Variants in TPTE2 observed in about 807,000 individuals in gnomAD.
TPTE2 encodes transmembrane phosphoinositide 3-phosphatase and tensin homolog 2.
A neutral mutation model predicts 78.6 loss-of-function variants in TPTE2; 53 were observed. The ratio of observed to expected loss-of-function variants is 0.67; its 90% CI spans 0.54 to 0.85. The LOEUF (loss-of-function observed/expected upper bound fraction) is 0.85. Ranked by LOEUF, TPTE2 falls within the 40% of genes least tolerant of loss-of-function variation. The probability of loss-of-function intolerance (pLI) is 0.00; values close to 1 mark genes in which losing one functional copy is unlikely to be tolerated. For synonymous variants in TPTE2, 175 were observed against 206.2 expected, an observed-to-expected ratio of 0.85 and a Z score of 1.30; for missense variants, 461 against 623.0, an observed-to-expected ratio of 0.74 and a Z score of 2.77.
chr13:19,445,940 C>CAAAACAA (rs529457379), intron 13 of TPTE2, among the ~76,000 whole-genome samples: 1 of 151,388 alleles, frequency 6.6e-6, no homozygotes, highest in Admixed American at 6.6e-5. Flanking sequence ...GACCTTATCT[C>CAAAACAA]AAAACAAAAA....
chr13:19,530,820 C>T (rs1311139016), intron 1 of TPTE2, among the ~76,000 whole-genome samples: 1 of 152,050 alleles, frequency 6.6e-6, no homozygotes, highest in Admixed American at 6.6e-5. Context: ...CCACCTTGCC[C>T]GGCCCTAAAT....
Position 19,474,778 on chromosome 13 carries a change from A to G in TPTE2, c.231-703T>C, listed in dbSNP as rs550268007. Among the ~76,000 whole-genome samples, 4 of 152,320 alleles carry G rather than the reference A, an allele frequency of 2.6e-5. No homozygotes were observed. The East Asian group carries it at 7.7e-4, about 29-fold the overall frequency. ...TTTAAAAACTTGCAGCTCAAATTCA[A>G]ATATTATTAATTCAAAAGGAAACAA... is the stretch of plus-strand genomic sequence containing the variant. On this transcript the variant is annotated intron_variant, in intron 5 of 19. Transcript: ENST00000400230.
intron 10 of TPTE2, among the ~76,000 whole-genome samples, chr13:19,451,685 G>C (rs1366206863): frequency 6.6e-6 from 1 of 152,042 alleles, no homozygotes; most frequent in African/African-American, 2.4e-5. Context: ...TAGCATGATT[G>C]TGTGTATGTG....
At chr13:19,530,231 T>C (rs1870780548) in intron 1 of TPTE2, among the ~76,000 whole-genome samples, 1 of 152,182 alleles carries the variant, frequency 6.6e-6, no homozygotes, top group African/African-American at 2.4e-5. Context: ...TAAATTGGAA[T>C]AATGTCTACT....
intron 1 of TPTE2, among the ~76,000 whole-genome samples, chr13:19,517,878 A>C (rs2137712183): frequency 6.6e-6 from 1 of 152,294 alleles, no homozygotes; most frequent in East Asian, 1.9e-4. Context: ...GAATGTACCA[A>C]AATCAAAGAC....
At chr13:19,518,505 A>G (rs1365037041) in intron 1 of TPTE2, among the ~76,000 whole-genome samples, 1 of 152,242 alleles carries the variant, frequency 6.6e-6, no homozygotes, top group East Asian at 1.9e-4. Flanking sequence ...AAATGAAAAA[A>G]TGTTCATCAT....
At chr13:19,514,269 G>T (rs1015661705) in intron 1 of TPTE2, among the ~76,000 whole-genome samples, 5 of 152,024 alleles carry the variant, frequency 3.3e-5, no homozygotes, top group African/African-American at 7.3e-5. Flanking sequence ...CTCCACTCTG[G>T]TTCAAAAACA....
rs772100191 is a variant in TPTE2 at position 19,432,024 on chromosome 13, G to GA, written c.1222+448dup. On this transcript the variant is annotated intron_variant, in intron 16 of 19. Transcript: ENST00000400230. ...GGAAAGGGAGAGCCCAGGGTGATGA[G>GA]AAAAAAATATGCCTCTAAAAGAAGG... Among the ~76,000 whole-genome samples the GA allele has an allele frequency of 7.6e-3, 356 of 46,872 alleles. 2 individuals are homozygous for GA. Among genetic ancestry groups the GA allele is most frequent in the African/African-American group, 0.021 (339 of 16,036 alleles). 30.7% of individuals were successfully genotyped at this position (46,872 alleles called of 152,430 possible).
chr13:19,442,306 A>G (rs936522690), intron 13 of TPTE2, among the ~76,000 whole-genome samples: 2 of 152,050 alleles, frequency 1.3e-5, no homozygotes, highest in African/African-American at 4.8e-5. Context: ...ATGTTTGGAA[A>G]TAAGGAAGCA....
intron 3 of TPTE2, among the ~76,000 whole-genome samples, chr13:19,492,424 T>G (rs912414983): frequency 2.6e-5 from 4 of 152,162 alleles, no homozygotes; most frequent in Non-Finnish European, 5.9e-5. Context: ...ATTCTCTCCT[T>G]TCTTGGAACA....
intron 10 of TPTE2, among the ~76,000 whole-genome samples, chr13:19,451,929 A>G (rs1217792952): frequency 1.3e-5 from 2 of 151,966 alleles, no homozygotes; most frequent in Non-Finnish European, 2.9e-5. Context: ...TCCAACTTTC[A>G]GTAAATATAT....
chr13:19,469,058 G>T (rs974392954), intron 6 of TPTE2, among the ~76,000 whole-genome samples: 3 of 152,146 alleles, frequency 2.0e-5, no homozygotes, highest in African/African-American at 7.2e-5. Context: ...TGCTTTGGTT[G>T]CCTGTGCTTG....
intron 1 of TPTE2, among the ~76,000 whole-genome samples, chr13:19,532,063 G>T (rs1291185457): frequency 1.3e-5 from 2 of 152,150 alleles, no homozygotes; most frequent in African/African-American, 4.8e-5. Flanking sequence ...TATGAACAAA[G>T]CTGATTTGGG....
chr13:19,437,756 G>A (rs1033852743), intron 14 of TPTE2, among the ~76,000 whole-genome samples: 5 of 151,780 alleles, frequency 3.3e-5, no homozygotes, highest in Non-Finnish European at 5.9e-5. Flanking sequence ...TTAAAATGTT[G>A]ATATTGCATA....
chr13:19,434,594 T>C (rs1480942153), intron 15 of TPTE2, among the ~76,000 whole-genome samples: 1 of 150,072 alleles, frequency 6.7e-6, no homozygotes, highest in African/African-American at 2.5e-5. Context: ...TTGTTTTGTT[T>C]TGTTTTGTTT....
chr13:19,541,857 G>A, the TPTE2 span, among the ~76,000 whole-genome samples: 2 of 152,260 alleles, frequency 1.3e-5, no homozygotes, highest in South Asian at 2.1e-4. Context: ...TAATTGGGGA[G>A]TGCTTCCTCT....
chr13:19,512,723 C>T (rs1869534777), intron 1 of TPTE2, among the ~76,000 whole-genome samples: 1 of 152,088 alleles, frequency 6.6e-6, no homozygotes, highest in African/African-American at 2.4e-5. Flanking sequence ...GGACTACAGG[C>T]ATGCACCACC....
intron 1 of TPTE2, among the ~76,000 whole-genome samples, chr13:19,495,175 T>C (rs966883155): frequency 4.6e-5 from 7 of 151,682 alleles, no homozygotes; most frequent in African/African-American, 1.7e-4. Flanking sequence ...CTAGTTGTCT[T>C]TCCTGCCCAA....
upstream of TPTE2, among the ~76,000 whole-genome samples, chr13:19,538,212 T>C (rs1441477171): frequency 6.6e-6 from 1 of 152,166 alleles, no homozygotes; most frequent in East Asian, 1.9e-4. Flanking sequence ...CTCCTGTATT[T>C]TGCTTCAAAC....
Sources: gnomAD v4.1 joint callset for allele counts (sites outside exome capture counted in the v4.1 genomes callset) on GRCh38, gnomAD v4.1.1 for gene constraint, MANE v1.5 for transcripts, NCBI Gene and HGNC (gene_info 2026-07-23, HGNC 2026-07-21) for gene names.